The following NXPH1 variants were observed in gnomAD, a reference collection of about 807,000 sequenced individuals.
NXPH1 encodes neurexophilin 1, also known as neurexophilin-1.
In NXPH1, 5 loss-of-function variants were observed where a neutral mutation model predicts 23.7. That is an observed-to-expected ratio of 0.21 (90% CI 0.11 to 0.44). The LOEUF is 0.44. Ranked by LOEUF, NXPH1 falls within the 20% of genes least tolerant of loss-of-function variation. The pLI is 0.99. For missense variants in NXPH1, 324 were observed against 321.6 expected (o/e 1.01, Z -0.06); for synonymous variants, 144 against 122.2 (o/e 1.18, Z -1.18).
rs141866413 is a variant in NXPH1 at position 8,534,688 on chromosome 7, G to A, written c.54+98921G>A. Among the ~76,000 whole-genome samples the A allele has an allele frequency of 9.1e-4, 139 of 152,016 alleles. 1 individual carries two copies. Among genetic ancestry groups the A allele is most frequent in the African/African-American group, 2.9e-3 (122 of 41,492 alleles). On this transcript the variant is annotated intron_variant, in intron 2 of 2. Transcript: ENST00000405863. ...CAGTATCTTACATTTATAAATTATC[G>A]TACTCTCAAATATTTGACATGATTT...
At chr7:8,646,324 T>C (rs1401939100) in intron 2 of NXPH1, among the ~76,000 whole-genome samples, 1 of 152,172 alleles carries the variant, frequency 6.6e-6, no homozygotes, top group Non-Finnish European at 1.5e-5. Context: ...TTTGTACGTT[T>C]ATCTCATATC....
chr7:8,533,888 T>C (rs535139050), intron 2 of NXPH1, among the ~76,000 whole-genome samples: 1 of 152,092 alleles, frequency 6.6e-6, no homozygotes. Flanking sequence ...TGAAATTCTT[T>C]CTGTGAGCTC....
At chr7:8,489,569 C>T (rs1817215141) in intron 2 of NXPH1, among the ~76,000 whole-genome samples, 10 of 151,964 alleles carry the variant, frequency 6.6e-5, no homozygotes. Context: ...TTCATGAGAC[C>T]CTGGGCTGTG....
chr7:8,470,408 C>T (rs755585152), intron 2 of NXPH1, among the ~76,000 whole-genome samples: 2 of 152,108 alleles, frequency 1.3e-5, no homozygotes, highest in South Asian at 4.1e-4. Context: ...AAATAATTTT[C>T]CTACAAAGGG....
At chr7:8,687,855 G>A (rs941500047) in intron 2 of NXPH1, among the ~76,000 whole-genome samples, 12 of 151,950 alleles carry the variant, frequency 7.9e-5, no homozygotes, top group African/African-American at 2.9e-4. Flanking sequence ...TAAGCCTTTT[G>A]GTCAGACTTA....
At chr7:8,678,428 T>A (rs2349774) in intron 2 of NXPH1, among the ~76,000 whole-genome samples, 1 of 151,976 alleles carries the variant, frequency 6.6e-6, no homozygotes, top group South Asian at 2.1e-4. Context: ...TCTCTTGGGG[T>A]CTGTGGGAGT....
intron 2 of NXPH1, among the ~76,000 whole-genome samples, chr7:8,464,026 C>T (rs903266209): frequency 6.6e-6 from 1 of 152,122 alleles, no homozygotes; most frequent in Non-Finnish European, 1.5e-5. Context: ...TCTTCCTCCT[C>T]CTCCTTTTCT....
intron 2 of NXPH1, among the ~76,000 whole-genome samples, chr7:8,697,412 G>A (rs1247040371): frequency 1.3e-5 from 2 of 152,158 alleles, no homozygotes; most frequent in African/African-American, 4.8e-5. Context: ...AATGGTACAG[G>A]TGAGAGATGA....
chr7:8,659,003 A>G lies in NXPH1; in HGVS notation c.55-92005A>G, dbSNP rs1253409203. Among the ~76,000 whole-genome samples the G allele has an allele frequency of 1.5e-4, 11 of 73,074 alleles. 5 individuals carry two copies. The highest frequency in any genetic ancestry group is 1.0e-3 in the Admixed American group (7 of 6,708). 47.9% of individuals were successfully genotyped at this position (73,074 alleles called of 152,430 possible). A position where few individuals can be genotyped will look rare whatever the true frequency, so the allele number is the denominator to read the frequency against. Reference sequence around the variant, plus strand: ...CATAAGAATATGTATATATATATATATATTTTTTTTTTTTTTTGCTAAAAC... The same window carrying G: ...CATAAGAATATGTATATATATATATGTATTTTTTTTTTTTTTTGCTAAAAC... On this transcript the variant is annotated intron_variant, in intron 2 of 2. Coordinates refer to ENST00000405863, the MANE Select transcript of NXPH1 (RefSeq NM_152745.3).
rs144810873 is a variant in NXPH1, at chr7:8,634,665, G to GTTTT, written c.55-116316_55-116313dup. Among the ~76,000 whole-genome samples, 40 of 95,690 alleles carry GTTTT rather than the reference G, an allele frequency of 4.2e-4. 3 individuals carry two copies. The highest frequency in any genetic ancestry group is 1.2e-3 in the East Asian group (2 of 1,714). The allele number at this position is 95,690 out of a possible 152,430, so 62.8% of individuals were successfully genotyped here. Reference sequence around the variant, plus strand: ...TGCATGGTAGAGATTGTCCAGAAGAGTTTTTTTTTTTTTTTTTTTTTTTTT... The same window carrying GTTTT: ...TGCATGGTAGAGATTGTCCAGAAGAGTTTTTTTTTTTTTTTTTTTTTTTTTTTTT... On this transcript the variant is annotated intron_variant, in intron 2 of 2. Transcript: ENST00000405863.
intron 2 of NXPH1, among the ~76,000 whole-genome samples, chr7:8,546,200 A>G (rs985147977): frequency 6.6e-6 from 1 of 151,566 alleles, no homozygotes; most frequent in South Asian, 2.1e-4. Flanking sequence ...TACTCAGGCA[A>G]TCATTCCTGG....
intron 2 of NXPH1, among the ~76,000 whole-genome samples, chr7:8,604,227 CA>C (rs1819426840): frequency 6.6e-6 from 1 of 152,112 alleles, no homozygotes; most frequent in African/African-American, 2.4e-5. Context: ...TATAAAACAT[CA>C]TGTATTTTTT....
At chr7:8,611,744 T>C (rs1416925868) in intron 2 of NXPH1, among the ~76,000 whole-genome samples, 2 of 152,112 alleles carry the variant, frequency 1.3e-5, no homozygotes, top group Non-Finnish European at 2.9e-5. Flanking sequence ...ATAAAGTTCA[T>C]GGTAAAGTGA....
chr7:8,655,436 C>CCG (rs1820561458), intron 2 of NXPH1, among the ~76,000 whole-genome samples: 1 of 144,044 alleles, frequency 6.9e-6, no homozygotes, highest in Non-Finnish European at 1.5e-5. Flanking sequence ...CTCTCTCTCT[C>CCG]TCTCTCTCTC....
chr7:8,554,575 T>C (rs1443033154), intron 2 of NXPH1, among the ~76,000 whole-genome samples: 1 of 151,724 alleles, frequency 6.6e-6, no homozygotes, highest in Non-Finnish European at 1.5e-5. Flanking sequence ...TTCCACATAC[T>C]TCCACATCCT....
At chr7:8,637,905 C>T (rs967593067) in intron 2 of NXPH1, among the ~76,000 whole-genome samples, 5 of 152,104 alleles carry the variant, frequency 3.3e-5, no homozygotes, top group Non-Finnish European at 7.4e-5. Context: ...TAAATGTGCT[C>T]CTGGTTTTTA....
rs113871386 is a variant in NXPH1, at chr7:8,635,108, G to A, written c.55-115900G>A. 6.7e-3 allele frequency among the ~76,000 whole-genome samples: 1,027 copies of A among 152,188 alleles called. 12 individuals carry two copies. Among genetic ancestry groups the A allele is most frequent in the African/African-American group, 0.023 (962 of 41,524 alleles). On this transcript the variant is annotated intron_variant, in intron 2 of 2. Coordinates refer to ENST00000405863, the MANE Select transcript of NXPH1 (RefSeq NM_152745.3). ...CTTACCTGTCTGAAGTTGTCAACCC[G>A]TAGGCCATTTTTCTAGAGGCAACCT...
In NXPH1 at chr7:8,734,642, G is replaced by A. The variant is rs554451114; in HGVS notation, c.55-16366G>A. On this transcript the variant is annotated intron_variant, in intron 2 of 2. Coordinates refer to ENST00000405863, the MANE Select transcript of NXPH1 (RefSeq NM_152745.3). ...TGGTCAATTTTAGAATAAGTGTGAT[G>A]TGGTGCTAAGAAGAATGTATATTCT... Among the ~76,000 whole-genome samples the A allele has an allele frequency of 1.5e-4, 23 of 152,284 alleles. No individual in the cohort carries two copies. In the South Asian group the frequency reaches 4.6e-3, roughly 30 times the overall value.
intron 2 of NXPH1, among the ~76,000 whole-genome samples, chr7:8,515,874 A>G (rs1817678633): frequency 6.6e-6 from 1 of 152,166 alleles, no homozygotes; most frequent in East Asian, 1.9e-4. Flanking sequence ...TGTATGGCCC[A>G]TGGGTTACTC....
Sources: gnomAD v4.1 joint callset for allele counts (sites outside exome capture counted in the v4.1 genomes callset) on GRCh38, gnomAD v4.1.1 for gene constraint, MANE v1.5 for transcripts, NCBI Gene and HGNC (gene_info 2026-07-23, HGNC 2026-07-21) for gene names.